The following ITGAE variants were observed in gnomAD, a reference collection of about 807,000 sequenced individuals.
ITGAE encodes integrin subunit alpha E.
A neutral mutation model predicts 136.5 loss-of-function variants in ITGAE; 99 were observed. That is an observed-to-expected ratio of 0.73 (90% CI 0.62 to 0.86). The LOEUF is 0.86. Among genes scored for constraint, ITGAE ranks in the 40% least tolerant of loss-of-function variants. The pLI is 0.00. For missense variants in ITGAE, 1,447 were observed against 1,515.3 expected (o/e 0.95, Z 0.75); for synonymous variants, 613 against 591.8 (o/e 1.04, Z -0.52).
In ITGAE at chr17:3,760,181, CTT is replaced by C. The variant is rs1887640928; in HGVS notation, c.703_704del (p.Lys235ValfsTer3). The C allele has an allele frequency of 1.2e-6, 2 of 1,608,980 alleles. No homozygotes were observed. The highest frequency in any genetic ancestry group is 1.3e-5 in the African/African-American group (1 of 74,824). On this transcript the variant is annotated frameshift_variant, in exon 7 of 31. Coordinates refer to ENST00000263087, the MANE Select transcript of ITGAE (RefSeq NM_002208.5). LOFTEE classifies it high-confidence loss of function. The stretch of plus-strand genomic sequence containing the variant: ...TCTTAGGGAAGCCCACCTCAAAACA[CTT>C]TTCATAGAAGTTCCTCATCATGTTG... ...ISNMMRNFYEKCFECNFALVQ... is the reference protein window; with the variant it reads ...ISNMMRNFYEXCFECNFALVQ...
At chr17:3,792,182 C>A (rs187154120) in intron 1 of ITGAE, among the ~76,000 whole-genome samples, 2 of 152,088 alleles carry the variant, frequency 1.3e-5, no homozygotes, top group South Asian at 4.2e-4. Flanking sequence ...AGGGCAGTGG[C>A]GCGATCTCGG....
chr17:3,766,582 A>C (rs1447129957), intron 2 of ITGAE, among the ~76,000 whole-genome samples: 1 of 152,092 alleles, frequency 6.6e-6, no homozygotes, highest in Non-Finnish European at 1.5e-5. Context: ...CAGGCGGATC[A>C]CCTGAGGTCA....
intron 3 of ITGAE, 64 bp from the exon 4 acceptor site, chr17:3,762,046 AG>A: frequency 3.5e-6 from 5 of 1,418,000 alleles, no homozygotes; most frequent in Non-Finnish European, 4.9e-6. Flanking sequence ...CCCGAAGCCA[AG>A]GTCAGAGGGC....
intron 1 of ITGAE, among the ~76,000 whole-genome samples, chr17:3,791,219 T>C (rs905525428): frequency 6.6e-6 from 1 of 151,886 alleles, no homozygotes; most frequent in Admixed American, 6.6e-5. Flanking sequence ...GTATTTGGTA[T>C]TAGATGATAC....
At chr17:3,733,651 C>T (rs1237088291) in intron 21 of ITGAE, among the ~76,000 whole-genome samples, 1 of 152,170 alleles carries the variant, frequency 6.6e-6, no homozygotes, top group Non-Finnish European at 1.5e-5. Flanking sequence ...GAACTCCTGA[C>T]CTCAGGTGAT....
chr17:3,734,758 A>C (rs930781893), intron 21 of ITGAE, 59 bp downstream of exon 21: 9 of 1,601,754 alleles, frequency 5.6e-6, no homozygotes, highest in Non-Finnish European at 6.0e-6. Context: ...ACAGAAAAGC[A>C]GGCATGCAGC....
At chr17:3,782,492 C>T (rs1490015464) in intron 1 of ITGAE, among the ~76,000 whole-genome samples, 1 of 151,442 alleles carries the variant, frequency 6.6e-6, no homozygotes, top group Non-Finnish European at 1.5e-5. Flanking sequence ...CTCAGCCTCC[C>T]AAGTAGCCGG....
intron 1 of ITGAE, among the ~76,000 whole-genome samples, chr17:3,789,603 C>T (rs368243884): frequency 5.9e-5 from 9 of 152,000 alleles, no homozygotes; most frequent in African/African-American, 1.7e-4. Context: ...CAGGTTCAAG[C>T]GATTCTCCTG....
intron 29 of ITGAE, chr17:3,717,994 C>T (rs1387007257): frequency 1.3e-5 from 2 of 152,232 alleles, no homozygotes; most frequent in Non-Finnish European, 2.9e-5. Context: ...AAAGCCACCT[C>T]CCTTTATCTT....
At position 3,757,439 on chromosome 17, in the gene ITGAE, G is replaced by A. The variant is rs62070384; in HGVS notation, c.1020+267C>T. Among the ~76,000 whole-genome samples, 522 of 152,246 alleles carry A rather than the reference G, an allele frequency of 3.4e-3. 1 individual carries two copies. Among genetic ancestry groups the A allele is most frequent in the Non-Finnish European group, 6.3e-3 (426 of 68,018 alleles). On this transcript the variant is annotated intron_variant, in intron 9 of 30. Transcript: ENST00000263087. ...GCCAGCTACTCCCATTTGTCTGGCAGGACTCAGCTTGGCACCGCGGTCCTC... is the reference window on the plus strand; with the variant it reads ...GCCAGCTACTCCCATTTGTCTGGCAAGACTCAGCTTGGCACCGCGGTCCTC...
chr17:3,728,054 C>T lies in ITGAE; in HGVS notation c.2977-28G>A, dbSNP rs368213859. The T allele has an allele frequency of 3.1e-6, 5 of 1,604,040 alleles. No individual in the cohort carries two copies. The African/African-American group carries it at 6.7e-5, about 21-fold the overall frequency. ...GCAAATTAAAATCAGAGTAGGAAATCAAAGCTGGTATTGCTTTGCCATCTA... is the reference window on the plus strand; with the variant it reads ...GCAAATTAAAATCAGAGTAGGAAATTAAAGCTGGTATTGCTTTGCCATCTA... On this transcript the variant is annotated intron_variant, in intron 25 of 30. Coordinates refer to ENST00000263087, the MANE Select transcript of ITGAE (RefSeq NM_002208.5).
intron 26 of ITGAE, chr17:3,723,950 C>G: frequency 6.4e-7 from 1 of 1,561,368 alleles, no homozygotes; most frequent in Non-Finnish European, 8.7e-7. Flanking sequence ...CGGCTTCGCT[C>G]CCGGGACCTG....
chr17:3,735,231 G>A (rs777530013), intron 20 of ITGAE, among the ~76,000 whole-genome samples: 3 of 152,122 alleles, frequency 2.0e-5, no homozygotes, highest in Non-Finnish European at 2.9e-5. Context: ...GCAATGGCAC[G>A]ATCTCGGCTC....
intron 28 of ITGAE, 172 bp from the exon 29 acceptor site, chr17:3,720,574 C>A: frequency 2.3e-6 from 1 of 437,690 alleles, no homozygotes; most frequent in Non-Finnish European, 4.0e-6. Flanking sequence ...TGCAGTTATT[C>A]TTCAACTTCC....
intron 1 of ITGAE, among the ~76,000 whole-genome samples, chr17:3,800,576 C>T (rs1010522862): frequency 1.3e-5 from 2 of 152,184 alleles, no homozygotes; most frequent in African/African-American, 4.8e-5. Context: ...TCCCCCCACC[C>T]CACATTCCAG....
At chr17:3,761,848 C>G (rs2052178619) in intron 4 of ITGAE, 67 bp downstream of exon 4, 11 of 1,389,334 alleles carry the variant, frequency 7.9e-6, no homozygotes, top group Non-Finnish European at 1.1e-5. Flanking sequence ...GTCTCAACAC[C>G]AGGGTCAACC....
chr17:3,725,919 C>T lies in ITGAE; in HGVS notation c.3084+2000G>A, dbSNP rs2051200081. ...GAACGTGCTCTTAAAGAAAACCAGC[C>T]TCAAAAAACTCCACTACACCCTCAA... On this transcript the variant is annotated intron_variant, in intron 26 of 30. Coordinates refer to ENST00000263087, the MANE Select transcript of ITGAE (RefSeq NM_002208.5). The T allele has an allele frequency of 6.2e-7, 1 of 1,613,510 alleles. No homozygotes were observed. The highest frequency in any genetic ancestry group is 8.5e-7 in the Non-Finnish European group (1 of 1,179,994).
chr17:3,777,176 T>A (rs918395772), intron 2 of ITGAE, among the ~76,000 whole-genome samples: 1 of 151,864 alleles, frequency 6.6e-6, no homozygotes, highest in Non-Finnish European at 1.5e-5. Flanking sequence ...TTAGCCAGGA[T>A]GGTCTCAATC....
At chr17:3,748,562 G>C (rs9900581) in intron 16 of ITGAE, among the ~76,000 whole-genome samples, 76,465 of 152,080 alleles carry the variant, frequency 0.5, 20,425 homozygotes, top group Non-Finnish European at 0.61. Flanking sequence ...ACTCCAGCCT[G>C]GGTGACAGAG....
Sources: allele counts gnomAD v4.1 joint callset (sites outside exome capture counted in the v4.1 genomes callset), GRCh38; gene constraint gnomAD v4.1.1; transcripts MANE v1.5; gene names NCBI Gene and HGNC (gene_info 2026-07-23, HGNC 2026-07-21).